The following ARMC3 variants were observed in gnomAD, a reference collection of about 807,000 sequenced individuals.
ARMC3 encodes armadillo repeat-containing protein 3.
ARMC3 carries 74 observed loss-of-function variants against 90.3 expected under a neutral mutation model. The observed-to-expected ratio is 0.82, with a 90% CI of 0.68 to 0.99. The LOEUF is 0.99. Ranked by LOEUF, ARMC3 falls within the 50% of genes least tolerant of loss-of-function variation. The pLI is 0.00. For missense variants in ARMC3, 958 were observed against 1,042.8 expected, an observed-to-expected ratio of 0.92 and a Z score of 1.12; for synonymous variants, 334 against 361.8, an observed-to-expected ratio of 0.92 and a Z score of 0.87.
chr10:23,023,588 A>G (rs1158352830), intron 16 of ARMC3, among the ~76,000 whole-genome samples: 2 of 152,260 alleles, frequency 1.3e-5, no homozygotes, highest in African/African-American at 4.8e-5. Context: ...TCAACAATCC[A>G]TTACAAATTT....
At chr10:23,008,992 C>CT (rs1177059187) in intron 16 of ARMC3, 61 bp downstream of exon 16, 1 of 1,380,146 alleles carries the variant, frequency 7.2e-7, no homozygotes, top group Non-Finnish European at 1.0e-6. Context: ...AGGGGTGGCT[C>CT]TTCAGTAGGA....
intron 8 of ARMC3, among the ~76,000 whole-genome samples, chr10:22,978,689 ATTCCTGT>A (rs1836048201): frequency 6.6e-6 from 1 of 152,224 alleles, no homozygotes; most frequent in African/African-American, 2.4e-5. Context: ...ATATCCTAAT[ATTCCTGT>A]ATTGAAAGCA....
At chr10:22,949,733 C>T (rs1834670073) in intron 3 of ARMC3, among the ~76,000 whole-genome samples, 1 of 152,000 alleles carries the variant, frequency 6.6e-6, no homozygotes, top group African/African-American at 2.4e-5. Context: ...GATGAAAACT[C>T]TAAGTCCATG....
chr10:22,955,423 C>G (rs1834893556), intron 3 of ARMC3: 1 of 166,748 alleles, frequency 6.0e-6, no homozygotes, highest in Non-Finnish European at 1.3e-5. Flanking sequence ...GGCATCTGTC[C>G]TTATGGAGAG....
At chr10:22,963,029 T>G (rs546085958) in intron 7 of ARMC3, among the ~76,000 whole-genome samples, 5 of 152,308 alleles carry the variant, frequency 3.3e-5, no homozygotes, top group African/African-American at 1.2e-4. Context: ...GAAATGTTAC[T>G]TAATTTGCCT....
At chr10:22,993,751 C>A (rs1474028195) in intron 10 of ARMC3, among the ~76,000 whole-genome samples, 1 of 152,096 alleles carries the variant, frequency 6.6e-6, no homozygotes, top group Non-Finnish European at 1.5e-5. Flanking sequence ...GACAGGTAAG[C>A]AGAGAGTGAA....
In ARMC3 at chr10:23,030,809, T is replaced by G; in HGVS notation, c.2246+13T>G. Reference sequence around the variant, plus strand: ...AGGATCTGGCAAAGTAAGTTGTCTATGTATATATGTGTTTTTAATTTCTGA... The same window carrying G: ...AGGATCTGGCAAAGTAAGTTGTCTAGGTATATATGTGTTTTTAATTTCTGA... On this transcript the variant is annotated intron_variant, in intron 17 of 18. Coordinates refer to ENST00000298032, the MANE Select transcript of ARMC3 (RefSeq NM_173081.5). 6.2e-7 allele frequency: 1 copy of G among 1,604,172 alleles called. No individual in the cohort carries two copies. Among genetic ancestry groups the G allele is most frequent in the Non-Finnish European group, 8.5e-7 (1 of 1,175,700 alleles).
rs374224435 is a variant in ARMC3, at chr10:22,962,025, A to G, written c.679A>G (p.Met227Val). 5.5e-5 allele frequency: 89 copies of G among 1,606,542 alleles called. No individual in the cohort carries two copies. The highest frequency in any genetic ancestry group is 6.9e-5 in the Non-Finnish European group (81 of 1,177,634). The change falls in exon 7 of 19, where the codon ATG becomes GTG. Residue 227 changes from methionine (M) to valine (V), a missense_variant. Transcript: ENST00000298032. ...TGCAAATGATAAGGAGTCTCGAACA[A>G]TGCTAAGAGACAATCAAGGATTGGA... The part of the protein sequence containing the change: ...VIANDKESRT[M>V]LRDNQGLDHL...
chr10:22,965,068 T>C (rs541785562), intron 7 of ARMC3, among the ~76,000 whole-genome samples: 1 of 152,216 alleles, frequency 6.6e-6, no homozygotes, highest in Non-Finnish European at 1.5e-5. Context: ...TATATGTTCA[T>C]ATGTGTTTGT....
chr10:22,988,952 C>T (rs188822927), intron 10 of ARMC3, among the ~76,000 whole-genome samples: 2 of 152,294 alleles, frequency 1.3e-5, no homozygotes, highest in East Asian at 3.9e-4. Flanking sequence ...GTATAGGTTG[C>T]ATTTAATATT....
chr10:22,935,697 T>G (rs888894024), intron 2 of ARMC3, among the ~76,000 whole-genome samples: 1 of 152,226 alleles, frequency 6.6e-6, no homozygotes, highest in Non-Finnish European at 1.5e-5. Flanking sequence ...TATAAATTCA[T>G]AAACAATATA....
rs557291219 is a variant in ARMC3 at position 22,957,605 on chromosome 10, G to A, written c.293-1465G>A. 2.0e-5 allele frequency among the ~76,000 whole-genome samples: 3 copies of A among 152,238 alleles called. No homozygotes were observed. The South Asian group carries it at 6.2e-4, about 32-fold the overall frequency. ...GACAAGGGGCCAGGCACTGTGCTAAGTGCTATTGATATATTAAATCATTTA... is the reference window on the plus strand; with the variant it reads ...GACAAGGGGCCAGGCACTGTGCTAAATGCTATTGATATATTAAATCATTTA... On this transcript the variant is annotated intron_variant, in intron 4 of 18. Coordinates refer to ENST00000298032, the MANE Select transcript of ARMC3 (RefSeq NM_173081.5).
intron 16 of ARMC3, 113 bp downstream of exon 16, chr10:23,009,044 A>G (rs1837789864): frequency 2.7e-6 from 2 of 739,384 alleles, no homozygotes; most frequent in Non-Finnish European, 4.4e-6. Flanking sequence ...GGCAAGACTC[A>G]TGAGATGAAA....
intron 8 of ARMC3, 107 bp downstream of exon 8, chr10:22,968,596 G>T (rs1392849759): frequency 2.0e-6 from 2 of 998,682 alleles, no homozygotes; most frequent in Non-Finnish European, 2.8e-6. Flanking sequence ...ACCTCCCCAG[G>T]TTACAAGTGA....
At chr10:23,008,399 A>T (rs988697838) in intron 15 of ARMC3, 25 bp downstream of exon 15, 38 of 1,215,206 alleles carry the variant, frequency 3.1e-5, no homozygotes, top group Non-Finnish European at 4.3e-5. Flanking sequence ...TTTTATCTGT[A>T]TGCAAACAGC....
At chr10:23,019,016 T>C (rs1241608825) in intron 16 of ARMC3, among the ~76,000 whole-genome samples, 3 of 152,194 alleles carry the variant, frequency 2.0e-5, no homozygotes, top group Admixed American at 6.5e-5. Flanking sequence ...CAGAGGGCTG[T>C]CCAGCCTCAC....
At chr10:22,974,015 C>T (rs571266259) in intron 8 of ARMC3, among the ~76,000 whole-genome samples, 1 of 152,022 alleles carries the variant, frequency 6.6e-6, no homozygotes, top group Non-Finnish European at 1.5e-5. Context: ...ACCTCGGCCT[C>T]CCAGAGTGCT....
At chr10:23,030,518 CT>C in intron 16 of ARMC3, 77 bp from the exon 17 acceptor site, 6 of 1,524,484 alleles carry the variant, frequency 3.9e-6, no homozygotes, top group Non-Finnish European at 5.3e-6. Flanking sequence ...CTGTGATGCT[CT>C]TTTCAGAAAT....
intron 10 of ARMC3, among the ~76,000 whole-genome samples, chr10:22,982,414 G>A (rs749689528): frequency 6.6e-6 from 1 of 152,106 alleles, no homozygotes; most frequent in Non-Finnish European, 1.5e-5. Context: ...GCATATTATG[G>A]GCAAATACTG....
Sources: gnomAD v4.1 joint callset for allele counts (sites outside exome capture counted in the v4.1 genomes callset) on GRCh38, gnomAD v4.1.1 for gene constraint, MANE v1.5 for transcripts, NCBI Gene and HGNC (gene_info 2026-07-23, HGNC 2026-07-21) for gene names.